The following RAB21 variants were observed in gnomAD, a reference collection of about 807,000 sequenced individuals.
RAB21 encodes ras-related protein Rab-21.
RAB21 carries 13 observed loss-of-function variants against 33.1 expected under a neutral mutation model. The observed-to-expected ratio is 0.39, with a 90% CI of 0.26 to 0.62. RAB21 has a LOEUF of 0.62. Among genes scored for constraint, RAB21 ranks in the 20% least tolerant of loss-of-function variants. RAB21 has a pLI of 0.48. For missense variants in RAB21, 234 were observed against 279.1 expected (o/e 0.84, Z 1.15); for synonymous variants, 91 against 103.7 (o/e 0.88, Z 0.74).
At position 71,787,556 on chromosome 12, in the gene RAB21, A is replaced by G. The variant is rs1419586190; in HGVS notation, c.*1883A>G. On this transcript the variant is annotated 3_prime_UTR_variant, in exon 7 of 7. Coordinates refer to ENST00000261263, the MANE Select transcript of RAB21 (RefSeq NM_014999.4). ...CAAAAGAAATACTGCCATATTTTTA[A>G]GTTAATAACTTAAACCTTCTCAAAT... is the stretch of plus-strand genomic sequence containing the variant. 1 of 152,190 alleles carries G rather than the reference A, an allele frequency of 6.6e-6. No homozygotes were observed. The highest frequency in any genetic ancestry group is 2.4e-5 in the African/African-American group (1 of 41,446). 9.4% of individuals were successfully genotyped at this position (152,190 alleles called of 1,614,324 possible). A position where few individuals can be genotyped will look rare whatever the true frequency, so the allele number is the denominator to read the frequency against.
chr12:71,782,483 T>A (rs1170278497), intron 5 of RAB21, 87 bp from the exon 6 acceptor site: 2 of 809,646 alleles, frequency 2.5e-6, no homozygotes, highest in African/African-American at 3.5e-5. Flanking sequence ...AATTAATATG[T>A]CACTAAAACT....
Position 71,771,846 on chromosome 12 carries a change from C to T in RAB21, c.327+1147C>T, listed in dbSNP as rs758317598. Among the ~76,000 whole-genome samples, 10 of 151,884 alleles carry T rather than the reference C, an allele frequency of 6.6e-5. No individual in the cohort carries two copies. The South Asian group carries it at 2.1e-3, about 32-fold the overall frequency. On this transcript the variant is annotated intron_variant, in intron 3 of 6. Transcript: ENST00000261263. ...AAAAAATTAGCTGGGTTTGGTGGCA[C>T]ATGCCTATAATCTTAGCTACTTGGG...
chr12:71,766,860 A>G (rs1882968919), intron 1 of RAB21, among the ~76,000 whole-genome samples: 1 of 152,156 alleles, frequency 6.6e-6, no homozygotes, highest in South Asian at 2.1e-4. Context: ...GAATAAGTAA[A>G]GAAATATTGG....
Position 71,755,201 on chromosome 12 carries a change from G to A in RAB21, c.72G>A (p.Leu24=). 1 of 1,534,250 alleles carries A rather than the reference G, an allele frequency of 6.5e-7. No individual in the cohort carries two copies. The highest frequency in any genetic ancestry group is 8.7e-7 in the Non-Finnish European group (1 of 1,145,186). The part of the protein sequence containing the change: ...AGRAYSFKVV[L]LGEGCVGKTS... ...GAGCCTACTCGTTCAAGGTGGTGCT[G>A]CTGGGGGAAGGCTGCGTGGGGAAGA... is the stretch of plus-strand genomic sequence containing the variant. Residue 24 remains leucine, a synonymous_variant, in exon 1 of 7, where the codon CTG becomes CTA. Coordinates refer to ENST00000261263, the MANE Select transcript of RAB21 (RefSeq NM_014999.4).
intron 1 of RAB21, among the ~76,000 whole-genome samples, chr12:71,765,332 C>T (rs979732947): frequency 6.6e-6 from 1 of 151,894 alleles, no homozygotes; most frequent in Non-Finnish European, 1.5e-5. Context: ...TGTTTGAGTT[C>T]CTTGTAGATT....
intron 2 of RAB21, 112 bp from the exon 3 acceptor site, chr12:71,770,480 G>T: frequency 1.3e-6 from 1 of 747,698 alleles, no homozygotes. Flanking sequence ...GGGTTTTGTG[G>T]TTGTCTTTGA....
chr12:71,763,960 A>G (rs1882917835), intron 1 of RAB21, among the ~76,000 whole-genome samples: 1 of 152,234 alleles, frequency 6.6e-6, no homozygotes, highest in Non-Finnish European at 1.5e-5. Flanking sequence ...TTTTAAAAAA[A>G]ATCAGGTTCA....
chr12:71,782,520 A>C (rs565282949), intron 5 of RAB21, 50 bp from the exon 6 acceptor site: 2 of 1,334,402 alleles, frequency 1.5e-6, no homozygotes, highest in Admixed American at 4.4e-5. Context: ...AGTTAAGACA[A>C]AATCATGAAT....
intron 5 of RAB21, 64 bp downstream of exon 5, chr12:71,782,149 T>G (rs1194888569): frequency 6.9e-7 from 1 of 1,446,490 alleles, no homozygotes; most frequent in African/African-American, 1.4e-5. Context: ...TTTATACGTT[T>G]TGCTTTACCA....
At chr12:71,774,591 C>G (rs1883092789) in intron 4 of RAB21, among the ~76,000 whole-genome samples, 1 of 151,266 alleles carries the variant, frequency 6.6e-6, no homozygotes, top group African/African-American at 2.4e-5. Context: ...AAACCCCGCT[C>G]TAATAAAAAT....
chr12:71,797,226 T>A lies in RAB21; in HGVS notation c.*11553T>A, dbSNP rs980953640. On this transcript the variant is annotated 3_prime_UTR_variant, in exon 7 of 7. Transcript: ENST00000261263. ...ATTAAAAATGGAGGAAAAGGTAAAG[T>A]TAGTATTTGTAGATGATAGTGCAAA... The A allele has an allele frequency of 6.6e-6, 1 of 152,124 alleles. No homozygotes were observed. Among genetic ancestry groups the A allele is most frequent in the Non-Finnish European group, 1.5e-5 (1 of 67,996 alleles). The allele number at this position is 152,124 out of a possible 1,614,324, so 9.4% of individuals were successfully genotyped here. A position where few individuals can be genotyped will look rare whatever the true frequency, so the allele number is the denominator to read the frequency against.
chr12:71,755,307 G>A lies in RAB21; in HGVS notation c.159+19G>A, dbSNP rs199635655. On this transcript the variant is annotated intron_variant, in intron 1 of 6. Coordinates refer to ENST00000261263, the MANE Select transcript of RAB21 (RefSeq NM_014999.4). ...TCTGCAGGTGCGGACCTCGGGGAGC[G>A]GGAGGGGGCGCCTCAGGGCCCCTAC... 43 of 1,496,588 alleles carry A rather than the reference G, an allele frequency of 2.9e-5. No individual in the cohort carries two copies. In the East Asian group the frequency reaches 1.0e-3, roughly 36 times the overall value. The allele number at this position is 1,496,588 out of a possible 1,614,324, so 92.7% of individuals were successfully genotyped here. A position where few individuals can be genotyped will look rare whatever the true frequency, so the allele number is the denominator to read the frequency against.
At chr12:71,757,030 C>G (rs754662557) in intron 1 of RAB21, among the ~76,000 whole-genome samples, 1 of 152,122 alleles carries the variant, frequency 6.6e-6, no homozygotes, top group Non-Finnish European at 1.5e-5. Context: ...CACATTACCT[C>G]GGTATATTGA....
At chr12:71,767,445 A>T (rs1882979480) in intron 1 of RAB21, among the ~76,000 whole-genome samples, 2 of 152,126 alleles carry the variant, frequency 1.3e-5, no homozygotes, top group Admixed American at 1.3e-4. Flanking sequence ...TAAAAATGAT[A>T]ACCTGTTAGG....
chr12:71,776,407 CAG>C (rs924502330), intron 4 of RAB21, among the ~76,000 whole-genome samples: 6 of 151,946 alleles, frequency 3.9e-5, no homozygotes, highest in African/African-American at 1.5e-4. Context: ...ACTGGAGCAT[CAG>C]AGAGAGTGGT....
At chr12:71,773,812 T>A in intron 3 of RAB21, 147 bp from the exon 4 acceptor site, 1 of 585,658 alleles carries the variant, frequency 1.7e-6, no homozygotes. Flanking sequence ...CAATAAATGA[T>A]TCTTCAGTGA....
chr12:71,755,433 G>A (rs990829106), intron 1 of RAB21, 145 bp downstream of exon 1: 5 of 1,042,398 alleles, frequency 4.8e-6, no homozygotes, highest in Middle Eastern at 3.2e-4. Flanking sequence ...TTCCGAATTC[G>A]CCCTGGGGAA....
Position 71,791,709 on chromosome 12 carries a change from C to T in RAB21, c.*6036C>T, listed in dbSNP as rs1277376321. 1 of 152,080 alleles carries T rather than the reference C, an allele frequency of 6.6e-6. No individual in the cohort carries two copies. Among genetic ancestry groups the T allele is most frequent in the Non-Finnish European group, 1.5e-5 (1 of 68,012 alleles). 9.4% of individuals were successfully genotyped at this position (152,080 alleles called of 1,614,324 possible). ...ATCCCACATCCCTTTTTAGAGGTAA[C>T]CATTGTTAACAGTTTGGTTTGTGTC... On this transcript the variant is annotated 3_prime_UTR_variant, in exon 7 of 7. Transcript: ENST00000261263.
intron 4 of RAB21, among the ~76,000 whole-genome samples, chr12:71,780,994 A>G (rs1883189954): frequency 6.6e-6 from 1 of 152,090 alleles, no homozygotes; most frequent in African/African-American, 2.4e-5. Context: ...CAGCCAACTC[A>G]TCTTAAGTTC....
Sources: allele counts gnomAD v4.1 joint callset (sites outside exome capture counted in the v4.1 genomes callset), GRCh38; gene constraint gnomAD v4.1.1; transcripts MANE v1.5; gene names NCBI Gene and HGNC (gene_info 2026-07-23, HGNC 2026-07-21).